The following PPARGC1A variants were observed in gnomAD, a reference collection of about 807,000 sequenced individuals.
The protein encoded by PPARGC1A is PPARG coactivator 1 alpha, also known as peroxisome proliferator-activated receptor gamma coactivator 1-alpha.
A neutral mutation model predicts 88.7 loss-of-function variants in PPARGC1A; 25 were observed. The observed-to-expected ratio is 0.28, with a 90% CI of 0.21 to 0.39. The LOEUF is 0.39. Among genes scored for constraint, PPARGC1A ranks in the 10% least tolerant of loss-of-function variants. The pLI, the probability that PPARGC1A is intolerant of heterozygous loss-of-function variation, is 1.00. For synonymous variants in PPARGC1A, 363 were observed against 355.6 expected, an observed-to-expected ratio of 1.02 and a Z score of -0.24; for missense variants, 880 against 968.7, an observed-to-expected ratio of 0.91 and a Z score of 1.22.
the PPARGC1A span, among the ~76,000 whole-genome samples, chr4:24,029,471 T>C: frequency 1.3e-5 from 2 of 152,180 alleles, no homozygotes; most frequent in Non-Finnish European, 2.9e-5. Flanking sequence ...AAAATCCGGA[T>C]TGGAAATCTC....
the PPARGC1A span, among the ~76,000 whole-genome samples, chr4:24,420,953 G>A: frequency 1.6e-3 from 243 of 152,208 alleles, 1 homozygote; most frequent in African/African-American, 5.5e-3. Flanking sequence ...TCCTCATATG[G>A]CAGAAAATGT....
At chr4:23,939,098 C>T in the PPARGC1A span, among the ~76,000 whole-genome samples, 1 of 152,014 alleles carries the variant, frequency 6.6e-6, no homozygotes, top group Non-Finnish European at 1.5e-5. Flanking sequence ...TAGCTCTCTA[C>T]CATACAATTA....
rs140622448 is a variant in PPARGC1A, at chr4:23,811,866, C to T, written c.2019+881G>A. Among the ~76,000 whole-genome samples, 196 of 137,226 alleles carry T rather than the reference C, an allele frequency of 1.4e-3. 2 individuals carry two copies. In the East Asian group the frequency reaches 0.03, roughly 21 times the overall value. 90.0% of individuals were successfully genotyped at this position (137,226 alleles called of 152,430 possible). ...GTGTGTCAATTACCCAGTTAGATGA[C>T]GACCATCACGCAGAAGAAATGACTT... On this transcript the variant is annotated intron_variant, in intron 10 of 12. Coordinates refer to ENST00000264867, the MANE Select transcript of PPARGC1A (RefSeq NM_013261.5).
At chr4:23,797,654 AAT>A (rs1717853458) in intron 12 of PPARGC1A, among the ~76,000 whole-genome samples, 3 of 152,352 alleles carry the variant, frequency 2.0e-5, no homozygotes, top group Admixed American at 6.5e-5. Flanking sequence ...TTCACTGTGA[AAT>A]ATAGTGTTCA....
the PPARGC1A span, among the ~76,000 whole-genome samples, chr4:23,990,259 TG>T: frequency 6.6e-6 from 1 of 150,940 alleles, no homozygotes; most frequent in Non-Finnish European, 1.5e-5. Flanking sequence ...TGAGCCTTTT[TG>T]TTGATAATTT....
At chr4:24,455,400 G>A in the PPARGC1A span, among the ~76,000 whole-genome samples, 1 of 152,192 alleles carries the variant, frequency 6.6e-6, no homozygotes, top group Admixed American at 6.5e-5. Flanking sequence ...AGGATCACTT[G>A]AGTCTTGGAG....
chr4:24,153,502 C>A, the PPARGC1A span, among the ~76,000 whole-genome samples: 1 of 152,130 alleles, frequency 6.6e-6, no homozygotes, highest in African/African-American at 2.4e-5. Flanking sequence ...TATCAGCAGA[C>A]ATGTGTACAC....
chr4:24,161,059 C>A, the PPARGC1A span, among the ~76,000 whole-genome samples: 2 of 152,172 alleles, frequency 1.3e-5, no homozygotes, highest in East Asian at 3.9e-4. Flanking sequence ...AGGAGTCTGG[C>A]AAAAGGCCAG....
At chr4:24,044,956 C>G in the PPARGC1A span, among the ~76,000 whole-genome samples, 1 of 152,206 alleles carries the variant, frequency 6.6e-6, no homozygotes, top group African/African-American at 2.4e-5. Context: ...CCTTTCCACC[C>G]AGGCAAGTAT....
At chr4:24,184,305 C>T in the PPARGC1A span, among the ~76,000 whole-genome samples, 1 of 152,154 alleles carries the variant, frequency 6.6e-6, no homozygotes, top group Non-Finnish European at 1.5e-5. Context: ...AAAAAATATT[C>T]TGTTTTCCAG....
the PPARGC1A span, among the ~76,000 whole-genome samples, chr4:24,009,263 T>A: frequency 9.2e-5 from 14 of 152,110 alleles, no homozygotes; most frequent in Admixed American, 9.2e-4. Flanking sequence ...CGATCTTACG[T>A]TAATAAGCTA....
the PPARGC1A span, among the ~76,000 whole-genome samples, chr4:23,963,689 A>T: frequency 7.3e-4 from 111 of 152,290 alleles, 3 homozygotes; most frequent in South Asian, 0.022. Flanking sequence ...CCCTCTGGTC[A>T]GCTTACCTCT....
At chr4:23,849,037 G>C (rs559949466) in intron 2 of PPARGC1A, among the ~76,000 whole-genome samples, 6 of 152,138 alleles carry the variant, frequency 3.9e-5, no homozygotes, top group Non-Finnish European at 8.8e-5. Context: ...CCAGCTACTC[G>C]GGAGGCTGAG....
chr4:24,418,628 C>T, the PPARGC1A span, among the ~76,000 whole-genome samples: 1 of 152,028 alleles, frequency 6.6e-6, no homozygotes, highest in Non-Finnish European at 1.5e-5. Flanking sequence ...CTATCATTTA[C>T]TTATGTGCCA....
the PPARGC1A span, among the ~76,000 whole-genome samples, chr4:24,366,692 C>G: frequency 6.6e-6 from 1 of 152,132 alleles, no homozygotes; most frequent in African/African-American, 2.4e-5. Flanking sequence ...GCTTTCTATC[C>G]TGCTCTCCCC....
chr4:24,247,560 G>A, the PPARGC1A span, among the ~76,000 whole-genome samples: 2 of 152,150 alleles, frequency 1.3e-5, no homozygotes, highest in Admixed American at 6.5e-5. Context: ...CATAATTTAC[G>A]CCAAAGAGAT....
the PPARGC1A span, among the ~76,000 whole-genome samples, chr4:24,245,011 G>A: frequency 4.6e-5 from 7 of 152,002 alleles, no homozygotes; most frequent in Middle Eastern, 3.2e-3. Flanking sequence ...AAGAACAGGC[G>A]AGGAAGAAGA....
chr4:23,803,090 C>T (rs1011474112), intron 10 of PPARGC1A, among the ~76,000 whole-genome samples: 2 of 152,096 alleles, frequency 1.3e-5, no homozygotes, highest in Admixed American at 6.5e-5. Flanking sequence ...ACTCAGAATT[C>T]TAATACTGAG....
chr4:24,382,166 A>G, the PPARGC1A span, among the ~76,000 whole-genome samples: 4 of 52,476 alleles, frequency 7.6e-5, no homozygotes, highest in African/African-American at 3.5e-4. Context: ...AAATTCAACA[A>G]TGGAGAAAAA....
Sources: gnomAD v4.1 joint callset for allele counts (sites outside exome capture counted in the v4.1 genomes callset) on GRCh38, gnomAD v4.1.1 for gene constraint, MANE v1.5 for transcripts, NCBI Gene and HGNC (gene_info 2026-07-23, HGNC 2026-07-21) for gene names.